Variants in PRDM16 observed in about 807,000 individuals in gnomAD.
PRDM16 encodes the protein PR/SET domain 16.
A neutral mutation model predicts 110.6 loss-of-function variants in PRDM16; 23 were observed. The observed-to-expected ratio is 0.21, with a 90% CI of 0.15 to 0.29. The LOEUF is 0.29. Among genes scored for constraint, PRDM16 ranks in the 10% least tolerant of loss-of-function variants. The pLI is 1.00. For missense variants in PRDM16, 1,615 were observed against 1,794.3 expected (o/e 0.90, Z 1.81); for synonymous variants, 799 against 781.8 (o/e 1.02, Z -0.37).
At chr1:3,296,167 G>T (rs1484814961) in intron 3 of PRDM16, among the ~76,000 whole-genome samples, 1 of 152,200 alleles carries the variant, frequency 6.6e-6, no homozygotes, top group South Asian at 2.1e-4. Flanking sequence ...TCATGGTGGA[G>T]CGTCCTGGGG....
Position 3,208,657 on chromosome 1 carries a change from T to A in PRDM16, c.387+22183T>A, listed in dbSNP as rs1324384200. The A allele has an allele frequency of 7.0e-6, 1 of 142,038 alleles. No homozygotes were observed. Among genetic ancestry groups the A allele is most frequent in the African/African-American group, 2.7e-5 (1 of 36,518 alleles). 8.8% of individuals were successfully genotyped at this position (142,038 alleles called of 1,614,324 possible). ...CTCCAACCTGGTGACAGAGCAAGAC[T>A]CCGTCTCAAAAAAAAAAAAAAGAAA... On this transcript the variant is annotated intron_variant, in intron 2 of 16. Coordinates refer to ENST00000270722, the MANE Select transcript of PRDM16 (RefSeq NM_022114.4). This position sits in a 1 kb window ranked among gnomAD's most constrained non-coding sequence, Gnocchi z 6.1.
Position 3,398,752 on chromosome 1 carries a change from G to T in PRDM16, c.676+2159G>T, listed in dbSNP as rs79047677. The stretch of plus-strand genomic sequence containing the variant: ...ACAAACAAGATGTGAGGTCACCACG[G>T]CGTTGGCTTAGTTGGCGTAGGTGAC... On this transcript the variant is annotated intron_variant, in intron 5 of 16. Transcript: ENST00000270722. Among the ~76,000 whole-genome samples the T allele has an allele frequency of 6.3e-3, 957 of 152,384 alleles. 16 individuals are homozygous for T. Among genetic ancestry groups the T allele is most frequent in the African/African-American group, 0.022 (901 of 41,592 alleles).
At chr1:3,329,043 C>CTTCTCCCTGGGCCCT (rs1641986198) in intron 3 of PRDM16, among the ~76,000 whole-genome samples, 1 of 152,162 alleles carries the variant, frequency 6.6e-6, no homozygotes, top group Admixed American at 6.5e-5. Flanking sequence ...GAATGGGCGC[C>CTTCTCCCTGGGCCCT]TTCTCCCTGG....
At chr1:3,264,710 C>T (rs1464338839) in intron 3 of PRDM16, among the ~76,000 whole-genome samples, 11 of 145,786 alleles carry the variant, frequency 7.5e-5, no homozygotes, top group African/African-American at 2.6e-4. Flanking sequence ...AGGGGAGGGG[C>T]GTGGAGGGGG....
At chr1:3,296,114 C>A (rs1164316008) in intron 3 of PRDM16, among the ~76,000 whole-genome samples, 1 of 152,210 alleles carries the variant, frequency 6.6e-6, no homozygotes, top group Non-Finnish European at 1.5e-5. Context: ...TGCTCAGATC[C>A]ACTCCGAGGG....
chr1:3,243,028 GGCT>G lies in PRDM16; in HGVS notation c.388-1058_388-1056del, dbSNP rs1382008518. 6.6e-6 allele frequency among the ~76,000 whole-genome samples: 1 copy of G among 152,332 alleles called. No individual in the cohort carries two copies. Among genetic ancestry groups the G allele is most frequent in the East Asian group, 1.9e-4 (1 of 5,168 alleles). On this transcript the variant is annotated intron_variant, in intron 2 of 16. Coordinates refer to ENST00000270722, the MANE Select transcript of PRDM16 (RefSeq NM_022114.4). The surrounding 1 kb of genome is among the most constrained non-coding windows in gnomAD (Gnocchi z 5.5). ...CCGCCACTCTGGAGTGCAGCCTGGT[GGCT>G]TTTAAGAGGAGACACCCGGCGAAAT...
rs749716485 is a variant in PRDM16 at position 3,273,725 on chromosome 1, CAT to C, written c.438+29589_438+29590del. ...GTGTGCATGGGTGAGCATGTAAGCA[CAT>C]GTGTGTGCATGGATAGGTGTGTGGG... is the stretch of plus-strand genomic sequence containing the variant. On this transcript the variant is annotated intron_variant, in intron 3 of 16. Transcript: ENST00000270722. Among the ~76,000 whole-genome samples, 96 of 151,360 alleles carry C rather than the reference CAT, an allele frequency of 6.3e-4. No homozygotes were observed. The Middle Eastern group carries it at 0.01, about 16-fold the overall frequency.
At chr1:3,167,608 CTCT>C (rs1289410476) in intron 1 of PRDM16, among the ~76,000 whole-genome samples, 4,271 of 117,954 alleles carry the variant, frequency 0.036, 369 homozygotes, top group Middle Eastern at 0.056. Context: ...CTCCCAGCAC[CTCT>C]GTGACATTGC....
intron 1 of PRDM16, among the ~76,000 whole-genome samples, chr1:3,156,716 A>T (rs1038477064): frequency 6.6e-6 from 1 of 152,214 alleles, no homozygotes; most frequent in African/African-American, 2.4e-5. Context: ...CTTCAGCTCC[A>T]GGTCAGGCTC....
At chr1:3,219,609 C>T (rs566595519) in intron 2 of PRDM16, among the ~76,000 whole-genome samples, 168 of 152,272 alleles carry the variant, frequency 1.1e-3, no homozygotes, top group African/African-American at 3.4e-3. Flanking sequence ...GGGAACAGGA[C>T]GATAAAATTC....
At chr1:3,180,072 T>C (rs1644132447) in intron 1 of PRDM16, among the ~76,000 whole-genome samples, 1 of 152,152 alleles carries the variant, frequency 6.6e-6, no homozygotes, top group South Asian at 2.1e-4. Context: ...ATGTGACATT[T>C]CAGGGAACTG....
At chr1:3,217,698 C>T (rs913247480) in intron 2 of PRDM16, among the ~76,000 whole-genome samples, 1 of 152,230 alleles carries the variant, frequency 6.6e-6, no homozygotes, top group Non-Finnish European at 1.5e-5. Context: ...GCCAGGTCCC[C>T]GTGCCGTGCA....
chr1:3,400,230 T>G (rs1197760762), intron 5 of PRDM16, among the ~76,000 whole-genome samples: 1 of 152,252 alleles, frequency 6.6e-6, no homozygotes, highest in Admixed American at 6.5e-5. Context: ...TTGCCAGTTC[T>G]GAAGCGGGCA....
intron 2 of PRDM16, among the ~76,000 whole-genome samples, chr1:3,214,966 G>A (rs936781996): frequency 3.5e-4 from 54 of 152,324 alleles, no homozygotes; most frequent in Non-Finnish European, 5.9e-5. Flanking sequence ...CAGGGCCACC[G>A]ATCTTAGAGG....
At chr1:3,115,730 C>T (rs1642942170) in intron 1 of PRDM16, among the ~76,000 whole-genome samples, 1 of 152,246 alleles carries the variant, frequency 6.6e-6, no homozygotes, top group South Asian at 2.1e-4. Context: ...GCAGTCCTGC[C>T]TTCCACACGG....
chr1:3,229,607 G>T (rs1382531932), intron 2 of PRDM16, among the ~76,000 whole-genome samples: 2 of 152,190 alleles, frequency 1.3e-5, no homozygotes, highest in Non-Finnish European at 2.9e-5. Context: ...AATCGGATCG[G>T]ATCCCAGTCC....
In PRDM16 at chr1:3,081,690, C is replaced by T. The variant is rs933216456; in HGVS notation, c.37+12394C>T. Among the ~76,000 whole-genome samples, 13 of 152,134 alleles carry T rather than the reference C, an allele frequency of 8.5e-5. No individual in the cohort carries two copies. Among genetic ancestry groups the T allele is most frequent in the Non-Finnish European group, 1.6e-4 (11 of 68,016 alleles). On this transcript the variant is annotated intron_variant, in intron 1 of 16. Transcript: ENST00000270722. The surrounding 1 kb of genome is among the most constrained non-coding windows in gnomAD (Gnocchi z 4.6). ...CAGCTGGACCTCCTGGCCACACAGC[C>T]GCTTCCCACCCCTGGGTGTCGGTCA...
intron 1 of PRDM16, among the ~76,000 whole-genome samples, chr1:3,177,951 G>T (rs1297745891): frequency 6.6e-6 from 1 of 152,210 alleles, no homozygotes; most frequent in East Asian, 1.9e-4. Flanking sequence ...TTCAGAGCAG[G>T]CCAGCACAGC....
rs573205374 is a variant in PRDM16, at chr1:3,191,484, A to G, written c.387+5010A>G. The stretch of plus-strand genomic sequence containing the variant: ...GTCTCCCCTGTGGACCAGGAGCTAC[A>G]CAGCAGCCAGGGATGGGTGAGAGCA... On this transcript the variant is annotated intron_variant, in intron 2 of 16. Transcript: ENST00000270722. 2.1e-4 allele frequency among the ~76,000 whole-genome samples: 32 copies of G among 152,328 alleles called. No individual in the cohort carries two copies. In the East Asian group the frequency reaches 4.3e-3, roughly 20 times the overall value.
Sources: allele counts gnomAD v4.1 joint callset (sites outside exome capture counted in the v4.1 genomes callset), GRCh38; gene constraint gnomAD v4.1.1; non-coding constraint Gnocchi (gnomAD v3.1); transcripts MANE v1.5; gene names NCBI Gene and HGNC (gene_info 2026-07-23, HGNC 2026-07-21).